The following DPH6 variants were observed in gnomAD, a reference collection of about 807,000 sequenced individuals.
DPH6 encodes diphthamine biosynthesis 6, also known as diphthine--ammonia ligase.
A neutral mutation model predicts 38.2 loss-of-function variants in DPH6; 33 were observed. That is an observed-to-expected ratio of 0.86 (90% CI 0.65 to 1.15). The LOEUF is 1.15. Ranked by LOEUF, DPH6 falls within the 50% of genes most tolerant of loss-of-function variation. DPH6 has a pLI of 0.00. For missense variants in DPH6, 325 were observed against 320.0 expected, an observed-to-expected ratio of 1.02 and a Z score of -0.12; for synonymous variants, 108 against 103.0, an observed-to-expected ratio of 1.05 and a Z score of -0.30.
At chr15:35,414,610 C>T (rs66614958) in intron 5 of DPH6, among the ~76,000 whole-genome samples, 55,446 of 151,494 alleles carry the variant, frequency 0.37, 12,145 homozygotes, top group African/African-American at 0.62. Flanking sequence ...ACACCTATTA[C>T]ACAAATATTT....
intron 3 of DPH6, among the ~76,000 whole-genome samples, chr15:35,534,772 C>G (rs1459832841): frequency 6.6e-6 from 1 of 152,166 alleles, no homozygotes; most frequent in Non-Finnish European, 1.5e-5. Flanking sequence ...AGTGGAAGAA[C>G]CATCCTTACA....
intron 3 of DPH6, chr15:35,299,511 C>A: frequency 1.5e-6 from 1 of 675,774 alleles, no homozygotes; most frequent in Non-Finnish European, 2.7e-6. Flanking sequence ...AGCGCGGAGC[C>A]GGGGAGGCAG....
chr15:35,278,678 T>C (rs1165820235), intron 3 of DPH6, among the ~76,000 whole-genome samples: 2 of 152,196 alleles, frequency 1.3e-5, no homozygotes, highest in African/African-American at 2.4e-5. Flanking sequence ...CCCTGTGGGC[T>C]GCATCCAGCA....
intron 5 of DPH6, among the ~76,000 whole-genome samples, chr15:35,413,045 G>A (rs79158881): frequency 0.031 from 4,633 of 151,676 alleles, 244 homozygotes; most frequent in African/African-American, 0.11. Context: ...AACTCTAGCA[G>A]GGGAGGTTGA....
At chr15:35,213,947 T>C (rs557920133), downstream of DPH6, among the ~76,000 whole-genome samples, 71 of 152,104 alleles carry the variant, frequency 4.7e-4, no homozygotes, top group South Asian at 1.5e-3. Context: ...CCCGTCTCTA[T>C]TAAAAATACA....
chr15:35,498,956 A>AG (rs2054591394), intron 3 of DPH6, among the ~76,000 whole-genome samples: 1 of 151,426 alleles, frequency 6.6e-6, no homozygotes, highest in Non-Finnish European at 1.5e-5. Flanking sequence ...AAAAAAAAAA[A>AG]AAAAAAAAAA....
intron 6 of DPH6, chr15:35,401,472 T>G: frequency 1.3e-6 from 1 of 773,164 alleles, no homozygotes; most frequent in Non-Finnish European, 2.4e-6. Context: ...GACAGGGTTA[T>G]GGAAACCAGG....
intron 3 of DPH6, among the ~76,000 whole-genome samples, chr15:35,228,235 A>G (rs879789765): frequency 5.9e-5 from 9 of 152,064 alleles, no homozygotes; most frequent in Non-Finnish European, 1.2e-4. Flanking sequence ...GTGTCCCCCA[A>G]CTTTTAAACT....
chr15:35,168,735 G>A, the DPH6 span, among the ~76,000 whole-genome samples: 3 of 152,058 alleles, frequency 2.0e-5, no homozygotes, highest in African/African-American at 7.2e-5. Context: ...TGGAATGTCA[G>A]CAGCTAAGTA....
chr15:35,300,445 A>T (rs564213213), intron 3 of DPH6, among the ~76,000 whole-genome samples: 1 of 152,330 alleles, frequency 6.6e-6, no homozygotes, highest in Admixed American at 6.5e-5. Flanking sequence ...TCGGGTTATG[A>T]TTGTAAGAAC....
At chr15:35,461,008 T>G (rs1231220964) in intron 3 of DPH6, among the ~76,000 whole-genome samples, 1 of 150,946 alleles carries the variant, frequency 6.6e-6, no homozygotes, top group Admixed American at 6.6e-5. Flanking sequence ...CCAATAAATA[T>G]ATCAATACAA....
chr15:35,277,848 T>C (rs1034525085), intron 3 of DPH6, among the ~76,000 whole-genome samples: 8 of 152,148 alleles, frequency 5.3e-5, no homozygotes, highest in African/African-American at 1.9e-4. Flanking sequence ...GCAGAAGAAA[T>C]TTCTAAGCAG....
exon 4 of DPH6, chr15:35,219,818 T>C (rs945278346): frequency 6.6e-5 from 10 of 152,234 alleles, no homozygotes; most frequent in Admixed American, 3.3e-4. Flanking sequence ...GATGGGATAA[T>C]ACATGTTAAC....
At chr15:35,463,899 C>T (rs2054095204) in intron 3 of DPH6, among the ~76,000 whole-genome samples, 1 of 152,010 alleles carries the variant, frequency 6.6e-6, no homozygotes, top group Non-Finnish European at 1.5e-5. Context: ...TGTGACAGGT[C>T]CTATACTAGG....
intron 3 of DPH6, among the ~76,000 whole-genome samples, chr15:35,240,022 GCT>G (rs2051586735): frequency 7.0e-6 from 1 of 142,420 alleles, no homozygotes; most frequent in Admixed American, 7.6e-5. Flanking sequence ...TTTTCTCTGG[GCT>G]TGCCTCCTTC....
At chr15:35,436,499 C>CAAACA (rs1555401704) in intron 5 of DPH6, among the ~76,000 whole-genome samples, 1,857 of 21,802 alleles carry the variant, frequency 0.085, 144 homozygotes, top group African/African-American at 0.14. Context: ...CAAAACAAAA[C>CAAACA]AAAACAAAAC....
At chr15:35,346,474 G>A (rs200118407) in intron 3 of DPH6, among the ~76,000 whole-genome samples, 2 of 152,072 alleles carry the variant, frequency 1.3e-5, no homozygotes, top group East Asian at 3.8e-4. Flanking sequence ...ATTACTTGAT[G>A]TCTTTAATAT....
At chr15:35,196,408 A>C in the DPH6 span, among the ~76,000 whole-genome samples, 1 of 152,196 alleles carries the variant, frequency 6.6e-6, no homozygotes, top group Non-Finnish European at 1.5e-5. Context: ...CAGACGTTAA[A>C]GCCAGTAGAG....
At chr15:35,540,089 C>T (rs1194770897) in intron 2 of DPH6, among the ~76,000 whole-genome samples, 1 of 152,062 alleles carries the variant, frequency 6.6e-6, no homozygotes, top group Non-Finnish European at 1.5e-5. Context: ...TGGCAAGAAA[C>T]ATTCTGATGT....
Sources: allele counts gnomAD v4.1 joint callset (sites outside exome capture counted in the v4.1 genomes callset), GRCh38; gene constraint gnomAD v4.1.1; transcripts MANE v1.5; gene names NCBI Gene and HGNC (gene_info 2026-07-23, HGNC 2026-07-21).